The following EPC1 variants were observed in gnomAD, a reference collection of about 807,000 sequenced individuals.
EPC1 encodes the protein enhancer of polycomb 1.
In EPC1, 12 loss-of-function variants were observed where a neutral mutation model predicts 98.4. The ratio of observed to expected loss-of-function variants is 0.12; its 90% CI spans 0.08 to 0.20. The LOEUF (loss-of-function observed/expected upper bound fraction) is 0.20, where lower values mean the gene tolerates loss of function less well. Among genes scored for constraint, EPC1 ranks in the 10% least tolerant of loss-of-function variants. The pLI is 1.00. For synonymous variants in EPC1, 357 were observed against 363.9 expected (o/e 0.98, Z 0.21); for missense variants, 729 against 990.5 (o/e 0.74, Z 3.54).
rs12098653 is a variant in EPC1, at chr10:32,300,502, C to T, written c.313+5270G>A. On this transcript the variant is annotated intron_variant, in intron 2 of 13. Coordinates refer to ENST00000319778, the MANE Select transcript of EPC1 (RefSeq NM_001272004.3). ...AGGCTAGAGTGTAGTGGCGCGATCT[C>T]GGCTCACTGCAATCTCTGCCTCCCA... Among the ~76,000 whole-genome samples, 258 of 150,836 alleles carry T rather than the reference C, an allele frequency of 1.7e-3. 3 individuals are homozygous for T. Among genetic ancestry groups the T allele is most frequent in the African/African-American group, 6.0e-3 (244 of 40,968 alleles).
At chr10:32,345,242 A>G in intron 1 of EPC1, 1 of 985,456 alleles carries the variant, frequency 1.0e-6, no homozygotes, top group Non-Finnish European at 1.2e-6. Flanking sequence ...ATGTGCTGAA[A>G]GTCAGTGCCC....
At chr10:32,329,610 T>C (rs540629886) in intron 1 of EPC1, among the ~76,000 whole-genome samples, 24 of 152,350 alleles carry the variant, frequency 1.6e-4, no homozygotes, top group African/African-American at 5.8e-4. Flanking sequence ...TATCTTCATA[T>C]AACTCTAAAT....
At chr10:32,298,815 C>T (rs1015013374) in intron 2 of EPC1, among the ~76,000 whole-genome samples, 1 of 152,058 alleles carries the variant, frequency 6.6e-6, no homozygotes, top group Non-Finnish European at 1.5e-5. Flanking sequence ...GAAAGCAGTA[C>T]CAGCAGAATA....
At chr10:32,287,427 T>C (rs1836749548) in intron 6 of EPC1, among the ~76,000 whole-genome samples, 153 bp from the exon 7 acceptor site, 1 of 152,204 alleles carries the variant, frequency 6.6e-6, no homozygotes, top group Non-Finnish European at 1.5e-5. Context: ...TCTTATAGTG[T>C]AAAGTCTAGA....
At chr10:32,354,538 T>C (rs1279335186) in intron 1 of EPC1, among the ~76,000 whole-genome samples, 6 of 152,134 alleles carry the variant, frequency 3.9e-5, no homozygotes, top group African/African-American at 1.4e-4. Flanking sequence ...TTAAAAAAGA[T>C]GTCACACAAT....
rs774645567 is a variant in EPC1 at position 32,361,281 on chromosome 10, C to T, written c.3+17210G>A. 5.8e-4 allele frequency among the ~76,000 whole-genome samples: 89 copies of T among 152,146 alleles called. 1 individual carries two copies. The highest frequency in any genetic ancestry group is 9.7e-4 in the Non-Finnish European group (66 of 68,034). On this transcript the variant is annotated intron_variant, in intron 1 of 13. Coordinates refer to the EPC1 transcript ENST00000375110. ...GAATGAGATTTATAACTTCTATGAG[C>T]GTCAGCTTCCTCCTCTGTAACGCCT...
At position 32,286,681 on chromosome 10, in the gene EPC1, A is replaced by G. The variant is rs1310432278; in HGVS notation, c.1391+13T>C. The G allele has an allele frequency of 1.2e-6, 2 of 1,613,498 alleles. No homozygotes were observed. The highest frequency in any genetic ancestry group is 3.3e-5 in the Admixed American group (2 of 59,836). On this transcript the variant is annotated intron_variant, in intron 9 of 13. Coordinates refer to ENST00000319778, the MANE Select transcript of EPC1 (RefSeq NM_001272004.3). ...TAAAATATCCTTCTGCTAGGAATAC[A>G]GAAATACCTTACCTTCCACCGCGCC...
chr10:32,284,295 G>A (rs1443624580), intron 10 of EPC1: 3 of 161,384 alleles, frequency 1.9e-5, no homozygotes, highest in African/African-American at 7.2e-5. Context: ...ATAAGGTTAT[G>A]CATATATATT....
chr10:32,292,567 T>C lies in EPC1; in HGVS notation c.744A>G (p.Leu248=). 2 of 1,608,888 alleles carry C rather than the reference T, an allele frequency of 1.2e-6. No homozygotes were observed. The highest frequency in any genetic ancestry group is 1.7e-6 in the Non-Finnish European group (2 of 1,178,464). The change falls in exon 5 of 14, where the codon CTA becomes CTG. Residue 248 remains leucine, a synonymous_variant. Coordinates refer to ENST00000319778, the MANE Select transcript of EPC1 (RefSeq NM_001272004.3). ...RRDLSRAVTI[L]EMIKRREKSK... ...TTTTTTCTCTTCTTTTTATCATCTC[T>C]AGAATAGTAACAGCTCGACTTAGAT... is the stretch of plus-strand genomic sequence containing the variant.
Position 32,285,045 on chromosome 10 carries a change from A to G in EPC1, c.1397T>C (p.Leu466Ser), listed in dbSNP as rs770609657. 77 of 1,602,616 alleles carry G rather than the reference A, an allele frequency of 4.8e-5. No individual in the cohort carries two copies. Among genetic ancestry groups the G allele is most frequent in the Middle Eastern group, 1.7e-4 (1 of 6,026 alleles). The part of the protein sequence containing the change: ...RRRVGRGGRV[L>S]LDRAHSDYDS... ...ATAGTCTGAATGAGCTCTGTCCAGT[A>G]AGACCCTATTAAAAAATCAGACAAG... The change falls in exon 10 of 14, where the codon TTA becomes TCA. Residue 466 changes from leucine (L) to serine (S), a missense_variant. Transcript: ENST00000319778.
chr10:32,310,843 C>T (rs1489635458), intron 1 of EPC1, among the ~76,000 whole-genome samples: 2 of 151,914 alleles, frequency 1.3e-5, no homozygotes, highest in Non-Finnish European at 2.9e-5. Context: ...CACTGCACTC[C>T]AACCTGGGCA....
chr10:32,341,317 CTGTGTG>C (rs955653800), intron 1 of EPC1, among the ~76,000 whole-genome samples: 3 of 102,620 alleles, frequency 2.9e-5, no homozygotes, highest in African/African-American at 9.7e-5. Context: ...GGACACATGT[CTGTGTG>C]TGTGTGTCTG....
intron 1 of EPC1, among the ~76,000 whole-genome samples, chr10:32,369,937 A>G (rs979443231): frequency 6.6e-5 from 10 of 152,226 alleles, no homozygotes; most frequent in African/African-American, 2.4e-4. Context: ...CATGCTACAG[A>G]TAAGACCAGA....
intron 1 of EPC1, among the ~76,000 whole-genome samples, chr10:32,342,595 T>G (rs1838434474): frequency 6.6e-6 from 1 of 152,224 alleles, no homozygotes; most frequent in African/African-American, 2.4e-5. Context: ...TTATGGTGGT[T>G]AGATCCTACT....
intron 4 of EPC1, among the ~76,000 whole-genome samples, 163 bp downstream of exon 4, chr10:32,292,825 T>C (rs41289027): frequency 2.0e-3 from 299 of 152,244 alleles, no homozygotes; most frequent in Middle Eastern, 3.4e-3. Context: ...CATTAAAATA[T>C]AACATTAATA....
At chr10:32,325,751 A>G (rs544403946) in intron 1 of EPC1, among the ~76,000 whole-genome samples, 1 of 151,502 alleles carries the variant, frequency 6.6e-6, no homozygotes, top group Non-Finnish European at 1.5e-5. Flanking sequence ...CATTTCAAAG[A>G]AGCAAACTGT....
Position 32,293,653 on chromosome 10 carries a change from T to G in EPC1, c.398A>C (p.Asp133Ala). Reference sequence around the variant, plus strand: ...CTCCTCAAATTGCAATGGGCAGATGTCCATTTTCTTTTTCAGTTTATTCAC... The same window carrying G: ...CTCCTCAAATTGCAATGGGCAGATGGCCATTTTCTTTTTCAGTTTATTCAC... ...VFVNKLKKKM[D>A]ICPLQFEEMI... Residue 133 changes from aspartate (D) to alanine (A), a missense_variant, in exon 3 of 14, where the codon GAC becomes GCC. Coordinates refer to ENST00000319778, the MANE Select transcript of EPC1 (RefSeq NM_001272004.3). 6.2e-7 allele frequency: 1 copy of G among 1,613,720 alleles called. No individual in the cohort carries two copies. Among genetic ancestry groups the G allele is most frequent in the Non-Finnish European group, 8.5e-7 (1 of 1,179,794 alleles).
intron 1 of EPC1, among the ~76,000 whole-genome samples, chr10:32,336,874 C>A (rs986461022): frequency 6.6e-6 from 1 of 152,162 alleles, no homozygotes; most frequent in Non-Finnish European, 1.5e-5. Context: ...TTATTTCATA[C>A]TTTTCAAATG....
intron 1 of EPC1, among the ~76,000 whole-genome samples, chr10:32,343,012 T>C (rs921012564): frequency 9.2e-5 from 14 of 152,198 alleles, no homozygotes; most frequent in Admixed American, 9.2e-4. Flanking sequence ...AATTATAATC[T>C]TAAAGTTAAC....
Sources: allele counts gnomAD v4.1 joint callset (sites outside exome capture counted in the v4.1 genomes callset), GRCh38; gene constraint gnomAD v4.1.1; transcripts MANE v1.5; gene names NCBI Gene and HGNC (gene_info 2026-07-23, HGNC 2026-07-21).